The following KPNB1 variants were observed in gnomAD, a reference collection of about 807,000 sequenced individuals.
KPNB1 encodes the protein karyopherin subunit beta 1.
KPNB1 carries 7 observed loss-of-function variants against 113.0 expected under a neutral mutation model. The observed-to-expected ratio is 0.06, with a 90% CI of 0.04 to 0.12. The LOEUF (loss-of-function observed/expected upper bound fraction) is 0.12. KPNB1 is among the 10% of genes least tolerant of loss of function. KPNB1 has a pLI of 1.00. For missense variants in KPNB1, 400 were observed against 1,054.8 expected (o/e 0.38, Z 8.60); for synonymous variants, 363 against 378.6 (o/e 0.96, Z 0.48).
intron 21 of KPNB1, among the ~76,000 whole-genome samples, chr17:47,681,772 T>G (rs1426662190): frequency 6.9e-6 from 1 of 143,908 alleles, no homozygotes; most frequent in African/African-American, 2.6e-5. Context: ...CCTCAGGTGA[T>G]CCACCTTTGT....
At chr17:47,669,992 T>A (rs1169277303) in intron 11 of KPNB1, 123 bp downstream of exon 11, 6 of 740,546 alleles carry the variant, frequency 8.1e-6, no homozygotes, top group Non-Finnish European at 1.1e-5. Context: ...CTTTCTAATT[T>A]ATTCAATTAA....
intron 15 of KPNB1, among the ~76,000 whole-genome samples, chr17:47,675,384 T>TTTTTTTTTTTTTC (rs2030583406): frequency 9.4e-6 from 1 of 106,008 alleles, no homozygotes; most frequent in African/African-American, 4.4e-5. Context: ...TTTTTTTTTT[T>TTTTTTTTTTTTTC]GTTTGTTTTT....
intron 3 of KPNB1, among the ~76,000 whole-genome samples, chr17:47,656,473 G>A (rs1406572421): frequency 2.0e-5 from 3 of 151,990 alleles, no homozygotes; most frequent in South Asian, 2.1e-4. Flanking sequence ...CTGCAGTATC[G>A]TTGTGCCATT....
intron 21 of KPNB1, among the ~76,000 whole-genome samples, chr17:47,681,904 C>T (rs939832530): frequency 5.3e-5 from 8 of 151,986 alleles, no homozygotes; most frequent in Non-Finnish European, 1.2e-4. Flanking sequence ...ACAATCACAC[C>T]TCATAGAAGC....
intron 19 of KPNB1, chr17:47,678,672 A>G (rs563450999): frequency 6.4e-5 from 25 of 389,664 alleles, no homozygotes; most frequent in Middle Eastern, 7.9e-4. Context: ...CAGTCGTGCA[A>G]TCTCGGCTCA....
rs2030877834 is a variant in KPNB1, at chr17:47,684,203, G to A, written c.*1799G>A. The A allele has an allele frequency of 6.6e-6, 1 of 151,984 alleles. No homozygotes were observed. The highest frequency in any genetic ancestry group is 1.5e-5 in the Non-Finnish European group (1 of 67,984). 9.4% of individuals were successfully genotyped at this position (151,984 alleles called of 1,614,324 possible). A position where few individuals can be genotyped will look rare whatever the true frequency, so the allele number is the denominator to read the frequency against. On this transcript the variant is annotated 3_prime_UTR_variant, in exon 22 of 22. Coordinates refer to ENST00000290158, the MANE Select transcript of KPNB1 (RefSeq NM_002265.6). ...TCCTCGTTTATATCCTCCCTTCCATGTCCAAGCCTTCCATTCCTAAGTGGG... is the reference window on the plus strand; with the variant it reads ...TCCTCGTTTATATCCTCCCTTCCATATCCAAGCCTTCCATTCCTAAGTGGG...
At chr17:47,678,228 C>A (rs755973904) in intron 18 of KPNB1, 39 bp downstream of exon 18, 1 of 1,611,458 alleles carries the variant, frequency 6.2e-7, no homozygotes, top group South Asian at 1.1e-5. Context: ...TTAAGTCTAG[C>A]TCTAATTGGA....
At position 47,670,689 on chromosome 17, in the gene KPNB1, A is replaced by G. The variant is rs768998809; in HGVS notation, c.1417-13A>G. ...TTCTTTCAGGATTAACATTGAACCT[A>G]TGTGCATTTCAGGCTTTCTCCAGTC... is the stretch of plus-strand genomic sequence containing the variant. On this transcript the variant is annotated splice_polypyrimidine_tract_variant and intron_variant, in intron 11 of 21. Transcript: ENST00000290158. 9 of 1,604,906 alleles carry G rather than the reference A, an allele frequency of 5.6e-6. No homozygotes were observed. Among genetic ancestry groups the G allele is most frequent in the African/African-American group, 1.3e-5 (1 of 74,754 alleles).
At chr17:47,674,895 C>G in intron 15 of KPNB1, 113 bp downstream of exon 15, 1 of 1,114,794 alleles carries the variant, frequency 9.0e-7, no homozygotes, top group Non-Finnish European at 1.3e-6. Flanking sequence ...TGGCGCACTG[C>G]AGCCTTGAAA....
intron 2 of KPNB1, among the ~76,000 whole-genome samples, chr17:47,652,365 C>T (rs577441029): frequency 6.6e-6 from 1 of 152,332 alleles, no homozygotes; most frequent in South Asian, 2.1e-4. Context: ...AGACTGACTA[C>T]TACTACCATA....
chr17:47,653,486 C>T (rs1408187016), intron 3 of KPNB1, among the ~76,000 whole-genome samples: 1 of 152,080 alleles, frequency 6.6e-6, no homozygotes, highest in African/African-American at 2.4e-5. Context: ...AGGTGATCTG[C>T]CTGCCTTGGC....
At chr17:47,659,119 C>T (rs543371494) in intron 5 of KPNB1, among the ~76,000 whole-genome samples, 2 of 152,008 alleles carry the variant, frequency 1.3e-5, no homozygotes, top group Admixed American at 6.6e-5. Flanking sequence ...GAGGCTGAGG[C>T]GGGTGGATCA....
intron 12 of KPNB1, among the ~76,000 whole-genome samples, chr17:47,671,265 G>T (rs1227029634): frequency 6.6e-6 from 1 of 152,054 alleles, no homozygotes; most frequent in African/African-American, 2.4e-5. Context: ...TCAAAAAAAA[G>T]AATTCCATGA....
chr17:47,671,338 T>G (rs139233279), intron 12 of KPNB1, among the ~76,000 whole-genome samples: 2,125 of 152,320 alleles, frequency 0.014, 29 homozygotes, highest in Non-Finnish European at 0.021. Flanking sequence ...CTTAGAATTG[T>G]TCAGTTTACA....
chr17:47,683,112 A>C lies in KPNB1; in HGVS notation c.*708A>C, dbSNP rs2030838635. On this transcript the variant is annotated 3_prime_UTR_variant, in exon 22 of 22. Coordinates refer to ENST00000290158, the MANE Select transcript of KPNB1 (RefSeq NM_002265.6). The stretch of plus-strand genomic sequence containing the variant: ...ATGTAAAAAAAAAAAAAAAAAAAAA[A>C]AAAAAAACACACACACAGAGGAAAG... 6.8e-6 allele frequency: 1 copy of C among 147,670 alleles called. No individual in the cohort carries two copies. Among genetic ancestry groups the C allele is most frequent in the Non-Finnish European group, 1.5e-5 (1 of 66,894 alleles). 9.1% of individuals were successfully genotyped at this position (147,670 alleles called of 1,614,324 possible).
At chr17:47,669,645 G>A in intron 10 of KPNB1, 33 bp from the exon 11 acceptor site, 1 of 1,477,080 alleles carries the variant, frequency 6.8e-7, no homozygotes. Flanking sequence ...TTTAATCTTT[G>A]TTTTGCTTTG....
chr17:47,661,814 TAAGGGAGAA>T (rs1468894314), intron 6 of KPNB1, among the ~76,000 whole-genome samples: 1 of 152,032 alleles, frequency 6.6e-6, no homozygotes, highest in African/African-American at 2.4e-5. Flanking sequence ...AATAAACAGT[TAAGGGAGAA>T]AAGGTTTTCG....
Position 47,665,105 on chromosome 17 carries a change from A to C in KPNB1, c.946A>C (p.Lys316Gln). Reference sequence around the variant, plus strand: ...TGAGCACACCAGCAAGTTTTATGCGAAGGGAGCACTACAGTATCTGGTTCC... The same window carrying C: ...TGAGCACACCAGCAAGTTTTATGCGCAGGGAGCACTACAGTATCTGGTTCC... ...PPEHTSKFYA[K>Q]GALQYLVPIL... The change falls in exon 9 of 22, where the codon AAG (lysine) becomes CAG (glutamine). Residue 316 changes from lysine (K) to glutamine (Q), a missense_variant. Lys to Gln is a moderately conservative substitution (Grantham distance 53). This residue lies in a region of KPNB1 where 285 missense variants were observed against 627.0 expected (regional missense o/e 0.45). Coordinates refer to ENST00000290158, the MANE Select transcript of KPNB1 (RefSeq NM_002265.6). 1.2e-6 allele frequency: 2 copies of C among 1,614,220 alleles called. No individual in the cohort carries two copies. The highest frequency in any genetic ancestry group is 1.7e-6 in the Non-Finnish European group (2 of 1,180,038).
At chr17:47,658,350 AAAAG>A (rs969520831) in intron 4 of KPNB1, among the ~76,000 whole-genome samples, 154 bp from the exon 5 acceptor site, 4 of 152,218 alleles carry the variant, frequency 2.6e-5, no homozygotes, top group African/African-American at 4.8e-5. Context: ...TGACAAGAAA[AAAAG>A]GTGTACATGC....
Sources: gnomAD v4.1 joint callset for allele counts (sites outside exome capture counted in the v4.1 genomes callset) on GRCh38, gnomAD v4.1.1 for gene constraint, gnomAD v4.1.1 regional missense constraint, MANE v1.5 for transcripts, NCBI Gene and HGNC (gene_info 2026-07-23, HGNC 2026-07-21) for gene names.